ARHGAP6: variants seen among roughly 807,000 people sequenced by gnomAD.
ARHGAP6 encodes rho GTPase-activating protein 6.
A neutral mutation model predicts 55.7 loss-of-function variants in ARHGAP6; 16 were observed. The ratio of observed to expected loss-of-function variants is 0.29; its 90% CI spans 0.19 to 0.44. The LOEUF (loss-of-function observed/expected upper bound fraction) is 0.44, where lower values mean the gene tolerates loss of function less well. Among genes scored for constraint, ARHGAP6 ranks in the 20% least tolerant of loss-of-function variants. ARHGAP6 has a pLI of 1.00. For synonymous variants in ARHGAP6, 382 were observed against 360.9 expected, an observed-to-expected ratio of 1.06 and a Z score of -0.66; for missense variants, 698 against 808.9, an observed-to-expected ratio of 0.86 and a Z score of 1.66.
intron 1 of ARHGAP6, among the ~76,000 whole-genome samples, chrX:11,580,239 C>A: frequency 8.9e-6 from 1 of 112,349 alleles, no homozygotes; most frequent in Non-Finnish European, 1.9e-5. Flanking sequence ...TTTGCAGTTT[C>A]TTTTCCAAAC....
In ARHGAP6 at chrX:11,254,715, CCAAAA is replaced by C. The variant is rs2147485921; in HGVS notation, c.589-13_589-9del. On this transcript the variant is annotated splice_polypyrimidine_tract_variant and intron_variant, in intron 1 of 12. Coordinates refer to ENST00000337414, the MANE Select transcript of ARHGAP6 (RefSeq NM_013427.3). ...GTTCCAGGTGAAATCACCCTGTAGG[CCAAAA>C]AAAAAAAAAAAAAAAAAATCAAGAG... 2 of 918,880 alleles carry C rather than the reference CCAAAA, an allele frequency of 2.2e-6. No individual in the cohort carries two copies. Among genetic ancestry groups the C allele is most frequent in the Non-Finnish European group, 2.8e-6 (2 of 726,753 alleles). 75.7% of individuals were successfully genotyped at this position (918,880 alleles called of 1,213,427 possible).
intron 2 of ARHGAP6, among the ~76,000 whole-genome samples, chrX:11,222,218 T>C (rs2046982652): frequency 8.9e-6 from 1 of 112,102 alleles, no homozygotes; most frequent in African/African-American, 3.2e-5. Flanking sequence ...GGACCATTTA[T>C]TCAAAAAAGT....
intron 2 of ARHGAP6, among the ~76,000 whole-genome samples, chrX:11,227,332 A>G (rs1485140226): frequency 8.9e-6 from 1 of 112,075 alleles, no homozygotes; most frequent in Non-Finnish European, 1.9e-5. Flanking sequence ...CTTTGGTATC[A>G]TCTTGGACTC....
intron 1 of ARHGAP6, among the ~76,000 whole-genome samples, chrX:11,437,731 C>A (rs1226068835): frequency 1.8e-5 from 2 of 112,114 alleles, no homozygotes; most frequent in Non-Finnish European, 3.8e-5. Context: ...CTGTGGGACG[C>A]CCCGCCCCCA....
At chrX:11,661,060 AAAAGT>A (rs1304015470) in intron 1 of ARHGAP6, among the ~76,000 whole-genome samples, 6 of 111,838 alleles carry the variant, frequency 5.4e-5, no homozygotes, top group African/African-American at 1.6e-4. Context: ...ATGAATGAAG[AAAAGT>A]ATAGACGCCA....
At chrX:11,657,765 G>A (rs1295946199) in intron 1 of ARHGAP6, among the ~76,000 whole-genome samples, 5 of 111,158 alleles carry the variant, frequency 4.5e-5, no homozygotes, top group South Asian at 3.9e-4. Context: ...TGACCTGAAG[G>A]AAAAACACAG....
Position 11,469,476 on chromosome X carries a change from C to T in ARHGAP6, c.588+194765G>A, listed in dbSNP as rs2050327008. On this transcript the variant is annotated intron_variant, in intron 1 of 12. Coordinates refer to ENST00000337414, the MANE Select transcript of ARHGAP6 (RefSeq NM_013427.3). ...GCATACCTACATAGATATGTGCATGCATATATGCCCATAGAATGCTGACAT... is the reference window on the plus strand; with the variant it reads ...GCATACCTACATAGATATGTGCATGTATATATGCCCATAGAATGCTGACAT... Among the ~76,000 whole-genome samples the T allele has an allele frequency of 4.5e-5, 5 of 111,980 alleles. No individual in the cohort carries two copies. The Admixed American group carries it at 4.7e-4, about 11-fold the overall frequency.
intron 2 of ARHGAP6, among the ~76,000 whole-genome samples, chrX:11,220,515 G>T (rs1263000801): frequency 9.0e-5 from 10 of 110,729 alleles, no homozygotes; most frequent in Non-Finnish European, 1.3e-4. Flanking sequence ...ACCCAGAATT[G>T]CATATCCAGC....
intron 1 of ARHGAP6, among the ~76,000 whole-genome samples, chrX:11,282,986 C>T (rs1017475403): frequency 1.3e-4 from 14 of 111,830 alleles, no homozygotes; most frequent in East Asian, 5.6e-4. Flanking sequence ...TGGTTTCAGA[C>T]GTTTCATGTA....
At chrX:11,195,838 G>A (rs2046527517) in intron 3 of ARHGAP6, among the ~76,000 whole-genome samples, 1 of 107,029 alleles carries the variant, frequency 9.3e-6, no homozygotes, top group East Asian at 2.9e-4. Context: ...ATACTAGGCC[G>A]GGCGCGATGG....
chrX:11,224,344 G>A, intron 2 of ARHGAP6: 2 of 507,548 alleles, frequency 3.9e-6, no homozygotes, highest in Non-Finnish European at 5.1e-6. Context: ...CTAATTGTTG[G>A]TATCAGGCTT....
chrX:11,350,118 C>T (rs1316496044), intron 1 of ARHGAP6, among the ~76,000 whole-genome samples: 1 of 111,860 alleles, frequency 8.9e-6, no homozygotes, highest in Non-Finnish European at 1.9e-5. Flanking sequence ...AGTCACTTAA[C>T]CCCTCTGGGC....
chrX:11,574,527 C>G (rs1179595284), intron 1 of ARHGAP6, among the ~76,000 whole-genome samples: 2 of 108,952 alleles, frequency 1.8e-5, no homozygotes, highest in African/African-American at 6.7e-5. Context: ...ATTCAACAGC[C>G]CTTCATGCTA....
intron 1 of ARHGAP6, among the ~76,000 whole-genome samples, chrX:11,495,426 G>GT (rs1438903030): frequency 8.9e-6 from 1 of 112,039 alleles, no homozygotes; most frequent in East Asian, 2.8e-4. Context: ...TTTGGGAAAG[G>GT]TTTTTTTCCA....
At chrX:11,409,980 T>C (rs1482624231) in intron 1 of ARHGAP6, among the ~76,000 whole-genome samples, 1 of 111,881 alleles carries the variant, frequency 8.9e-6, no homozygotes, top group Non-Finnish European at 1.9e-5. Flanking sequence ...CAACAAGTAC[T>C]GGTAAGGATG....
At chrX:11,400,333 G>T (rs1031927555) in intron 1 of ARHGAP6, among the ~76,000 whole-genome samples, 1 of 110,231 alleles carries the variant, frequency 9.1e-6, no homozygotes, top group Non-Finnish European at 1.9e-5. Flanking sequence ...CAGGGGGAGG[G>T]GATAATTGAG....
intron 1 of ARHGAP6, among the ~76,000 whole-genome samples, chrX:11,642,665 A>T (rs2052487037): frequency 8.9e-6 from 1 of 112,065 alleles, no homozygotes; most frequent in African/African-American, 3.2e-5. Flanking sequence ...TCTTGAAAAC[A>T]TTTTGCTAAG....
intron 1 of ARHGAP6, among the ~76,000 whole-genome samples, chrX:11,481,396 G>A (rs533588544): frequency 1.4e-4 from 16 of 112,682 alleles, no homozygotes; most frequent in African/African-American, 4.8e-4. Flanking sequence ...GCTAAAAGAA[G>A]GGACAGGGCA....
At chrX:11,358,152 G>C (rs2048956175) in intron 1 of ARHGAP6, among the ~76,000 whole-genome samples, 1 of 111,772 alleles carries the variant, frequency 8.9e-6, no homozygotes, top group Non-Finnish European at 1.9e-5. Context: ...TAGCCTTTTG[G>C]GTCTGGATTC....
Sources: allele counts gnomAD v4.1 joint callset (sites outside exome capture counted in the v4.1 genomes callset), GRCh38; gene constraint gnomAD v4.1.1; transcripts MANE v1.5; gene names NCBI Gene and HGNC (gene_info 2026-07-23, HGNC 2026-07-21).